Variants in GCNT2 observed in about 807,000 individuals in gnomAD.
GCNT2 encodes the protein N-acetyllactosaminide beta-1,6-N-acetylglucosaminyl-transferase.
A neutral mutation model predicts 34.2 loss-of-function variants in GCNT2; 34 were observed. The ratio of observed to expected loss-of-function variants is 1.00; its 90% CI spans 0.76 to 1.32. The LOEUF (loss-of-function observed/expected upper bound fraction) is 1.32. Among genes scored for constraint, GCNT2 ranks in the 40% most tolerant of loss-of-function variants. GCNT2 has a pLI of 0.00. For missense variants in GCNT2, 584 were observed against 489.4 expected (o/e 1.19, Z -1.82); for synonymous variants, 212 against 188.0 (o/e 1.13, Z -1.04).
At chr6:10,588,882 G>C (rs1561821628) in intron 3 of GCNT2, among the ~76,000 whole-genome samples, 1 of 145,192 alleles carries the variant, frequency 6.9e-6, no homozygotes, top group Admixed American at 7.0e-5. Context: ...GGGTATGTGT[G>C]TTTGTAGCGT....
At chr6:10,571,098 A>T (rs1412399703) in intron 3 of GCNT2, among the ~76,000 whole-genome samples, 3 of 152,122 alleles carry the variant, frequency 2.0e-5, no homozygotes, top group African/African-American at 7.2e-5. Flanking sequence ...AAATTTGGAG[A>T]TTGTGAGCCA....
rs753331219 is a variant in GCNT2, at chr6:10,529,575, C to T, written c.664C>T (p.Pro222Ser). The change falls in exon 3 of 5, where the codon CCT becomes TCT. Residue 222 changes from proline to serine, a missense_variant. Physicochemically the swap from Pro to Ser is moderately conservative, Grantham distance 74 (BLOSUM62 -1). Transcript: ENST00000495262. ...AAATATCACCCCCGGAGTGCTGCCT[C>T]CTGACCACGCTGTTGGACGGACTAA... ...GKNITPGVLP[P>S]DHAVGRTKYV... The T allele has an allele frequency of 1.2e-5, 19 of 1,614,064 alleles. No homozygotes were observed. Among genetic ancestry groups the T allele is most frequent in the Non-Finnish European group, 1.6e-5 (19 of 1,180,024 alleles).
chr6:10,615,395 G>A (rs1049919905), intron 3 of GCNT2, among the ~76,000 whole-genome samples: 4 of 152,146 alleles, frequency 2.6e-5, no homozygotes, highest in African/African-American at 9.7e-5. Context: ...GCTCACTGCA[G>A]CCTTGACCTC....
rs1211582798 is a variant in GCNT2 at position 10,578,445 on chromosome 6, CTTT to C, written c.926-42887_926-42885del. Among the ~76,000 whole-genome samples the C allele has an allele frequency of 2.9e-5, 3 of 103,918 alleles. 1 individual carries two copies. Among genetic ancestry groups the C allele is most frequent in the Non-Finnish European group, 5.6e-5 (3 of 53,258 alleles). The allele number at this position is 103,918 out of a possible 152,430, so 68.2% of individuals were successfully genotyped here. A position where few individuals can be genotyped will look rare whatever the true frequency, so the allele number is the denominator to read the frequency against. On this transcript the variant is annotated intron_variant, in intron 3 of 4. Coordinates refer to ENST00000495262, the MANE Select transcript of GCNT2 (RefSeq NM_145649.5). ...TCCCTGTCTTCATGGAGCTTACATT[CTTT>C]TTTTTTTTTTTTTTTTTTGAGACGG...
intron 3 of GCNT2, among the ~76,000 whole-genome samples, chr6:10,597,153 C>CTTT (rs33945698): frequency 8.5e-4 from 96 of 112,594 alleles, no homozygotes; most frequent in East Asian, 1.8e-3. Flanking sequence ...TAGGAATTGC[C>CTTT]TTTTTTTTTT....
intron 3 of GCNT2, among the ~76,000 whole-genome samples, chr6:10,549,603 G>A (rs1377821607): frequency 1.7e-5 from 2 of 114,844 alleles, no homozygotes; most frequent in Non-Finnish European, 3.3e-5. Flanking sequence ...ACAGGGTCTC[G>A]CTCTGTCACC....
intron 3 of GCNT2, among the ~76,000 whole-genome samples, chr6:10,548,333 T>C (rs1762351221): frequency 6.6e-6 from 1 of 152,240 alleles, no homozygotes; most frequent in Admixed American, 6.5e-5. Context: ...CACCAAGATA[T>C]TCCTGGGCCT....
chr6:10,568,473 A>C (rs1763383102), intron 3 of GCNT2, among the ~76,000 whole-genome samples: 1 of 152,152 alleles, frequency 6.6e-6, no homozygotes, highest in South Asian at 2.1e-4. Flanking sequence ...TGTCAAGCAG[A>C]CTATTGTCGG....
intron 3 of GCNT2, among the ~76,000 whole-genome samples, chr6:10,600,721 G>A (rs1296880574): frequency 6.6e-6 from 1 of 152,102 alleles, no homozygotes; most frequent in Non-Finnish European, 1.5e-5. Flanking sequence ...GTTACAAGGT[G>A]CTCGTGAGGG....
At chr6:10,622,144 G>C (rs971902649) in intron 4 of GCNT2, among the ~76,000 whole-genome samples, 4 of 152,194 alleles carry the variant, frequency 2.6e-5, no homozygotes, top group Admixed American at 1.3e-4. Flanking sequence ...AAATGGAAAA[G>C]AACTAGAAAT....
At chr6:10,624,220 G>A (rs184313721) in intron 4 of GCNT2, among the ~76,000 whole-genome samples, 85 of 152,160 alleles carry the variant, frequency 5.6e-4, no homozygotes, top group African/African-American at 1.9e-3. Context: ...GTATTAGTCC[G>A]TTTTCACACT....
In GCNT2 at chr6:10,626,711, A is replaced by G. The variant is rs151338305; in HGVS notation, c.*104A>G. ...TCGTAATGTTAACCGTTTCAGGACC[A>G]CGTTTATAGCTTCAGGACCTGGCTA... On this transcript the variant is annotated 3_prime_UTR_variant, in exon 5 of 5. Transcript: ENST00000495262. The G allele has an allele frequency of 5.5e-4, 437 of 798,258 alleles. 2 individuals are homozygous for G. In the African/African-American group the frequency reaches 6.0e-3, roughly 11 times the overall value. The allele number at this position is 798,258 out of a possible 1,614,324, so 49.4% of individuals were successfully genotyped here.
At chr6:10,553,236 C>T (rs958049354) in intron 3 of GCNT2, among the ~76,000 whole-genome samples, 7 of 152,176 alleles carry the variant, frequency 4.6e-5, no homozygotes, top group Non-Finnish European at 7.4e-5. Flanking sequence ...CCAGCTGGCA[C>T]GCCCTGCCTG....
intron 3 of GCNT2, among the ~76,000 whole-genome samples, chr6:10,604,084 A>G (rs549954583): frequency 3.3e-5 from 5 of 151,766 alleles, no homozygotes; most frequent in African/African-American, 9.7e-5. Flanking sequence ...TTTAGTAGAG[A>G]TGAGGTTTCA....
intron 3 of GCNT2, among the ~76,000 whole-genome samples, chr6:10,533,807 A>C: frequency 6.7e-6 from 1 of 148,636 alleles, no homozygotes; most frequent in South Asian, 2.2e-4. Flanking sequence ...TCTCAAAAAA[A>C]AAAAAAAAAA....
intron 3 of GCNT2, among the ~76,000 whole-genome samples, chr6:10,606,648 A>G (rs1765326438): frequency 7.3e-6 from 1 of 137,274 alleles, no homozygotes; most frequent in Non-Finnish European, 1.7e-5. Flanking sequence ...AAGAAATTTA[A>G]TGGAAATTTC....
At chr6:10,527,773 C>G (rs1367985004) in intron 2 of GCNT2, 113 bp downstream of exon 2, 1 of 152,080 alleles carries the variant, frequency 6.6e-6, no homozygotes, top group Non-Finnish European at 1.5e-5. Context: ...GCTTTACCAC[C>G]CCAATCTGTT....
intron 3 of GCNT2, among the ~76,000 whole-genome samples, chr6:10,575,404 C>T (rs1763762970): frequency 6.7e-6 from 1 of 149,868 alleles, no homozygotes; most frequent in Non-Finnish European, 1.5e-5. Context: ...TCTTGTCCTC[C>T]AGGCTGGAGT....
At chr6:10,544,208 G>A (rs755251286) in intron 3 of GCNT2, among the ~76,000 whole-genome samples, 3 of 152,156 alleles carry the variant, frequency 2.0e-5, no homozygotes, top group Non-Finnish European at 4.4e-5. Context: ...CAGCTACTTG[G>A]GAGGCTGAGA....
Sources: allele counts gnomAD v4.1 joint callset (sites outside exome capture counted in the v4.1 genomes callset), GRCh38; gene constraint gnomAD v4.1.1; transcripts MANE v1.5; gene names NCBI Gene and HGNC (gene_info 2026-07-23, HGNC 2026-07-21).